Variants in ATXN7L1 observed in about 807,000 individuals in gnomAD.
The protein encoded by ATXN7L1 is ataxin 7 like 1, also known as ataxin-7-like protein 1.
ATXN7L1 carries 15 observed loss-of-function variants against 70.8 expected under a neutral mutation model. The observed-to-expected ratio is 0.21, with a 90% CI of 0.14 to 0.33. The LOEUF (loss-of-function observed/expected upper bound fraction) is 0.33. ATXN7L1 is among the 10% of genes least tolerant of loss of function. ATXN7L1 has a pLI of 1.00. For missense variants in ATXN7L1, 975 were observed against 1,097.1 expected, an observed-to-expected ratio of 0.89 and a Z score of 1.57; for synonymous variants, 440 against 445.1, an observed-to-expected ratio of 0.99 and a Z score of 0.14.
chr7:105,791,410 A>AG (rs1302207533), intron 2 of ATXN7L1, among the ~76,000 whole-genome samples: 2 of 152,136 alleles, frequency 1.3e-5, no homozygotes, highest in Non-Finnish European at 2.9e-5. Flanking sequence ...GTGGGAAGAG[A>AG]GGCTGAGACA....
chr7:105,814,104 T>C (rs1049767855), intron 2 of ATXN7L1, among the ~76,000 whole-genome samples: 1 of 152,212 alleles, frequency 6.6e-6, no homozygotes, highest in African/African-American at 2.4e-5. Context: ...GCAGTCCCCA[T>C]TCTCTGTAGG....
At chr7:105,703,288 A>C (rs182296744) in intron 3 of ATXN7L1, among the ~76,000 whole-genome samples, 1 of 145,682 alleles carries the variant, frequency 6.9e-6, no homozygotes, top group Admixed American at 6.9e-5. Context: ...ATGGGCAAGA[A>C]GAGCGAAACT....
intron 2 of ATXN7L1, among the ~76,000 whole-genome samples, chr7:105,854,202 C>T (rs909053300): frequency 2.0e-5 from 3 of 152,110 alleles, no homozygotes; most frequent in Non-Finnish European, 4.4e-5. Context: ...CTCACTGTGC[C>T]AAGAAGTCTT....
At chr7:105,850,281 C>G (rs760484525) in intron 2 of ATXN7L1, among the ~76,000 whole-genome samples, 3 of 152,234 alleles carry the variant, frequency 2.0e-5, no homozygotes, top group African/African-American at 4.8e-5. Flanking sequence ...TTTCCTCATG[C>G]CTGTCATGCC....
At chr7:105,734,373 C>T (rs1176911056) in intron 3 of ATXN7L1, among the ~76,000 whole-genome samples, 1 of 152,238 alleles carries the variant, frequency 6.6e-6, no homozygotes, top group East Asian at 1.9e-4. Context: ...GACTGCCTCT[C>T]AGTGGGCCTC....
chr7:105,658,867 G>T (rs558320435), intron 4 of ATXN7L1, among the ~76,000 whole-genome samples: 2 of 152,114 alleles, frequency 1.3e-5, no homozygotes, highest in Non-Finnish European at 2.9e-5. Flanking sequence ...TTCATGACTG[G>T]GCATGGTGGC....
At chr7:105,678,088 C>T in intron 3 of ATXN7L1, 1 of 609,090 alleles carries the variant, frequency 1.6e-6, no homozygotes, top group Non-Finnish European at 2.1e-6. Flanking sequence ...CGTACAGACA[C>T]ATACTTTTTT....
chr7:105,789,974 A>C (rs879533697), intron 2 of ATXN7L1, among the ~76,000 whole-genome samples: 22 of 152,332 alleles, frequency 1.4e-4, no homozygotes, highest in Non-Finnish European at 1.3e-4. Context: ...CCATCCACTG[A>C]AAGGAATAAG....
At chr7:105,789,176 C>T (rs931989630) in intron 2 of ATXN7L1, among the ~76,000 whole-genome samples, 2 of 152,188 alleles carry the variant, frequency 1.3e-5, no homozygotes, top group African/African-American at 4.8e-5. Context: ...GCCTGGGTTT[C>T]CCCATCACTT....
chr7:105,612,169 A>G (rs1269320683), intron 10 of ATXN7L1, among the ~76,000 whole-genome samples: 1 of 152,238 alleles, frequency 6.6e-6, no homozygotes, highest in Non-Finnish European at 1.5e-5. Context: ...GCCAGACTCC[A>G]GAGCCAAAAT....
chr7:105,745,390 A>C (rs764629956), intron 3 of ATXN7L1, among the ~76,000 whole-genome samples: 2 of 152,172 alleles, frequency 1.3e-5, no homozygotes, highest in Non-Finnish European at 2.9e-5. Flanking sequence ...TTTCTCTTTT[A>C]ACATCCTTGT....
intron 2 of ATXN7L1, among the ~76,000 whole-genome samples, chr7:105,872,639 A>C (rs537575226): frequency 6.6e-6 from 1 of 152,246 alleles, no homozygotes; most frequent in Admixed American, 6.5e-5. Flanking sequence ...CAGAAAGTAG[A>C]ACAGTGGTTA....
Position 105,614,348 on chromosome 7 carries a change from C to CAAGGAA in ATXN7L1, c.1980_1985dup (p.Ser661_Leu662insPheSer), listed in dbSNP as rs1562889020. On this transcript the variant is annotated inframe_insertion, in exon 10 of 12. Coordinates refer to ENST00000419735, the MANE Select transcript of ATXN7L1 (RefSeq NM_020725.2). This position sits in a 1 kb window ranked among gnomAD's most constrained non-coding sequence, Gnocchi z 4.3. ...ACAGTGGAGACGAGAGGGATGTCTG[C>CAAGGAA]AAGGAAGAGGAGGAGGAGGAGGAGG... 1.3e-6 allele frequency: 2 copies of CAAGGAA among 1,552,300 alleles called. No homozygotes were observed. The highest frequency in any genetic ancestry group is 3.9e-5 in the Admixed American group (2 of 51,010).
At chr7:105,715,844 GTCCTTTGAGTCAAACCAA>G (rs1330207824) in intron 3 of ATXN7L1, among the ~76,000 whole-genome samples, 1 of 152,230 alleles carries the variant, frequency 6.6e-6, no homozygotes, top group Non-Finnish European at 1.5e-5. Flanking sequence ...TGACATTTCA[GTCCTTTGAGTCAAACCAA>G]TCCTCCATTT....
intron 3 of ATXN7L1, among the ~76,000 whole-genome samples, chr7:105,682,882 T>C (rs1805715215): frequency 6.6e-6 from 1 of 152,214 alleles, no homozygotes; most frequent in Non-Finnish European, 1.5e-5. Context: ...TTGCACAACA[T>C]TGCCAATGTA....
chr7:105,671,730 T>C (rs1409556295), intron 3 of ATXN7L1, among the ~76,000 whole-genome samples: 2 of 151,518 alleles, frequency 1.3e-5, no homozygotes, highest in African/African-American at 4.8e-5. Flanking sequence ...ACCCTGCTTC[T>C]ACAAAAAATT....
intron 2 of ATXN7L1, among the ~76,000 whole-genome samples, chr7:105,790,654 CATCT>C (rs1471670036): frequency 5.7e-5 from 6 of 104,890 alleles, no homozygotes; most frequent in East Asian, 8.0e-4. Context: ...ATCTATCTAT[CATCT>C]ATCTACTATC....
chr7:105,712,356 G>C (rs555076530), intron 3 of ATXN7L1, among the ~76,000 whole-genome samples: 3 of 152,206 alleles, frequency 2.0e-5, no homozygotes, highest in Non-Finnish European at 4.4e-5. Flanking sequence ...CAGCAGGCTT[G>C]AATTTCTCCC....
intron 2 of ATXN7L1, among the ~76,000 whole-genome samples, chr7:105,861,064 C>A (rs990807188): frequency 6.6e-6 from 1 of 151,768 alleles, no homozygotes; most frequent in Non-Finnish European, 1.5e-5. Context: ...ATGGCTGGCC[C>A]TGGGGAAGGA....
Sources: gnomAD v4.1 joint callset for allele counts (sites outside exome capture counted in the v4.1 genomes callset) on GRCh38, gnomAD v4.1.1 for gene constraint, Gnocchi (gnomAD v3.1) non-coding constraint, MANE v1.5 for transcripts, NCBI Gene and HGNC (gene_info 2026-07-23, HGNC 2026-07-21) for gene names.